Variants in THBS4 observed in about 807,000 individuals in gnomAD.
THBS4 encodes the protein thrombospondin-4.
A neutral mutation model predicts 115.7 loss-of-function variants in THBS4; 90 were observed. The ratio of observed to expected loss-of-function variants is 0.78; its 90% CI spans 0.66 to 0.93. The LOEUF (loss-of-function observed/expected upper bound fraction) is 0.93. THBS4 is among the 40% of genes least tolerant of loss of function. The pLI, the probability that THBS4 is intolerant of heterozygous loss-of-function variation, is 0.00. For synonymous variants in THBS4, 460 were observed against 479.3 expected (o/e 0.96, Z 0.53); for missense variants, 1,087 against 1,232.7 (o/e 0.88, Z 1.77).
intron 20 of THBS4, among the ~76,000 whole-genome samples, chr5:80,080,690 G>GT (rs769595749): frequency 6.8e-6 from 1 of 146,594 alleles, no homozygotes; most frequent in Non-Finnish European, 1.5e-5. Context: ...TGGTTCAAGT[G>GT]ATTCTTCTGC....
chr5:80,022,399 C>G (rs1011637162), intron 2 of THBS4, among the ~76,000 whole-genome samples: 1 of 152,182 alleles, frequency 6.6e-6, no homozygotes, highest in Non-Finnish European at 1.5e-5. Context: ...ATTGCAATCA[C>G]TTTTCTTCCA....
rs535870094 is a variant in THBS4 at position 80,069,855 on chromosome 5, C to T, written c.1348-451C>T. Among the ~76,000 whole-genome samples the T allele has an allele frequency of 5.3e-5, 8 of 152,344 alleles. No homozygotes were observed. In the South Asian group the frequency reaches 1.7e-3, roughly 32 times the overall value. The stretch of plus-strand genomic sequence containing the variant: ...AAGCAGGCTGTGGCTGAGGAAGTCA[C>T]TGGTCTGAAAGCTTTTGGGTGGTGA... On this transcript the variant is annotated intron_variant, in intron 10 of 21. Coordinates refer to ENST00000350881, the MANE Select transcript of THBS4 (RefSeq NM_003248.6).
intron 9 of THBS4, among the ~76,000 whole-genome samples, chr5:80,065,950 C>G (rs1263610878): frequency 5.3e-5 from 8 of 152,072 alleles, no homozygotes; most frequent in African/African-American, 1.9e-4. Flanking sequence ...ACAAAATTAG[C>G]CGGGCCTGGT....
At position 80,079,435 on chromosome 5, in the gene THBS4, A is replaced by C. The variant is rs73772222; in HGVS notation, c.2511+177A>C. Among the ~76,000 whole-genome samples, 845 of 152,334 alleles carry C rather than the reference A, an allele frequency of 5.5e-3. 9 individuals carry two copies. The highest frequency in any genetic ancestry group is 0.019 in the African/African-American group (810 of 41,578). ...TTGCCTTCATTCCTGTGTGCCAGCTACATTCTAACCTCTCATGGTGGGAAT... is the reference window on the plus strand; with the variant it reads ...TTGCCTTCATTCCTGTGTGCCAGCTCCATTCTAACCTCTCATGGTGGGAAT... On this transcript the variant is annotated intron_variant, in intron 19 of 21. Coordinates refer to ENST00000350881, the MANE Select transcript of THBS4 (RefSeq NM_003248.6).
intron 3 of THBS4, among the ~76,000 whole-genome samples, chr5:80,057,256 G>A (rs1436753820): frequency 6.6e-6 from 1 of 152,078 alleles, no homozygotes; most frequent in Non-Finnish European, 1.5e-5. Flanking sequence ...TAAAAGTCAG[G>A]ACTCACCCCT....
intron 11 of THBS4, 25 bp from the exon 12 acceptor site, chr5:80,070,618 C>A: frequency 6.2e-7 from 1 of 1,603,354 alleles, no homozygotes; most frequent in Admixed American, 1.7e-5. Flanking sequence ...TAGGATGTCA[C>A]TCGGAACTGC....
intron 20 of THBS4, 167 bp downstream of exon 20, chr5:80,080,244 G>C: frequency 1.2e-6 from 1 of 833,890 alleles, no homozygotes; most frequent in Non-Finnish European, 1.8e-6. Flanking sequence ...AGGTGGGAGA[G>C]AAGATATTCA....
At chr5:80,067,165 T>G (rs1405550444) in intron 9 of THBS4, 1 of 151,970 alleles carries the variant, frequency 6.6e-6, no homozygotes, top group African/African-American at 2.4e-5. Context: ...TCTTAAGTGT[T>G]CTCACTGAAA....
chr5:79,998,744 T>C (rs1831845970), intron 2 of THBS4, among the ~76,000 whole-genome samples: 1 of 152,212 alleles, frequency 6.6e-6, no homozygotes, highest in Non-Finnish European at 1.5e-5. Flanking sequence ...GAATTAAAGG[T>C]AATGTAATGG....
chr5:80,034,628 G>A (rs551660006), upstream of THBS4, among the ~76,000 whole-genome samples: 1 of 152,308 alleles, frequency 6.6e-6, no homozygotes, highest in African/African-American at 2.4e-5. Context: ...ATAGAGGTGG[G>A]CAAGCAGGGC....
chr5:80,020,460 C>T (rs1210676356), intron 2 of THBS4, among the ~76,000 whole-genome samples: 2 of 151,946 alleles, frequency 1.3e-5, no homozygotes, highest in African/African-American at 2.4e-5. Flanking sequence ...GGTGACAGAG[C>T]GAGACTCCAT....
At chr5:80,075,175 G>A (rs771911332) in intron 15 of THBS4, 2 of 151,952 alleles carry the variant, frequency 1.3e-5, no homozygotes, top group Non-Finnish European at 2.9e-5. Flanking sequence ...ATTTTTTATT[G>A]TTCTTTTTCA....
At chr5:80,079,480 G>A (rs1743383793) in intron 19 of THBS4, among the ~76,000 whole-genome samples, 1 of 152,226 alleles carries the variant, frequency 6.6e-6, no homozygotes, top group East Asian at 1.9e-4. Flanking sequence ...CATGAGGTCA[G>A]AGAGAGGGAA....
rs766406928 is a variant in THBS4, at chr5:80,076,927, T to C, written c.1965T>C (p.Asp655=). 6.2e-7 allele frequency: 1 copy of C among 1,613,606 alleles called. No homozygotes were observed. Among genetic ancestry groups the C allele is most frequent in the Non-Finnish European group, 8.5e-7 (1 of 1,179,778 alleles). The change falls in exon 16 of 22, where the codon GAT becomes GAC. Residue 655 remains aspartate, a synonymous_variant. Coordinates refer to ENST00000350881, the MANE Select transcript of THBS4 (RefSeq NM_003248.6). ...TTAACAGTGCCCAGCTGGACACCGA[T>C]AAGGATGGAATTGGTGACGAGTGTG... The part of the protein sequence containing the change: ...TVINSAQLDT[D]KDGIGDECDD...
At chr5:80,044,641 T>A (rs1006500955) in intron 2 of THBS4, among the ~76,000 whole-genome samples, 11 of 152,092 alleles carry the variant, frequency 7.2e-5, no homozygotes, top group African/African-American at 2.7e-4. Flanking sequence ...GCCAGGCTGG[T>A]CTCGAACTCC....
At chr5:80,061,968 A>G in intron 8 of THBS4, 136 bp downstream of exon 8, 1 of 997,100 alleles carries the variant, frequency 1.0e-6, no homozygotes, top group Non-Finnish European at 1.4e-6. Flanking sequence ...AAAATGAGCA[A>G]ATTAGGAAGT....
At chr5:80,067,916 C>T in intron 9 of THBS4, 57 bp from the exon 10 acceptor site, 1 of 1,588,752 alleles carries the variant, frequency 6.3e-7, no homozygotes, top group Non-Finnish European at 8.6e-7. Context: ...TACCTTTGCT[C>T]AAACTGTACC....
intron 2 of THBS4, 122 bp downstream of exon 2, chr5:80,040,402 G>T: frequency 3.1e-5 from 14 of 453,414 alleles, no homozygotes; most frequent in East Asian, 7.4e-5. Flanking sequence ...AGTCATTTCA[G>T]TTTTTAATAC....
At chr5:80,016,863 T>G (rs992067297) in intron 2 of THBS4, among the ~76,000 whole-genome samples, 1 of 152,228 alleles carries the variant, frequency 6.6e-6, no homozygotes, top group African/African-American at 2.4e-5. Context: ...ACACTCCCTG[T>G]GCTGACACTA....
Sources: allele counts gnomAD v4.1 joint callset (sites outside exome capture counted in the v4.1 genomes callset), GRCh38; gene constraint gnomAD v4.1.1; transcripts MANE v1.5; gene names NCBI Gene and HGNC (gene_info 2026-07-23, HGNC 2026-07-21).